CERT1: variants seen among roughly 807,000 people sequenced by gnomAD.
CERT1 encodes the protein ceramide transfer protein.
In CERT1, 31 loss-of-function variants were observed where a neutral mutation model predicts 87.9. The ratio of observed to expected loss-of-function variants is 0.35; its 90% CI spans 0.27 to 0.48. The LOEUF is 0.48. Ranked by LOEUF, CERT1 falls within the 20% of genes least tolerant of loss-of-function variation. The pLI, the probability that CERT1 is intolerant of heterozygous loss-of-function variation, is 0.99. For missense variants in CERT1, 487 were observed against 758.0 expected, an observed-to-expected ratio of 0.64 and a Z score of 4.20; for synonymous variants, 289 against 250.9, an observed-to-expected ratio of 1.15 and a Z score of -1.44.
At position 75,425,410 on chromosome 5, in the gene CERT1, A is replaced by C; in HGVS notation, c.546T>G (p.Phe182Leu). 6.2e-7 allele frequency: 1 copy of C among 1,614,104 alleles called. No homozygotes were observed. Among genetic ancestry groups the C allele is most frequent in the Non-Finnish European group, 8.5e-7 (1 of 1,179,942 alleles). Residue 182 changes from phenylalanine (F) to leucine (L), a missense_variant, in exon 5 of 17, where the codon TTT becomes TTG. By Grantham distance (22) the Phe-to-Leu change is conservative. Transcript: ENST00000643780. ...TAGAGACAGCATCAGCACAGGCATC[A>C]AAGTACTTCTGTAGCGTGTCAACTT... ...CRQVDTLQKYFDACADAVSKD... is the reference protein window; with the variant it reads ...CRQVDTLQKYLDACADAVSKD...
chr5:75,425,354 A>G lies in CERT1; in HGVS notation c.595+7T>C, dbSNP rs1763570497. The G allele has an allele frequency of 2.5e-6, 4 of 1,611,002 alleles. No individual in the cohort carries two copies. Among genetic ancestry groups the G allele is most frequent in the Non-Finnish European group, 3.4e-6 (4 of 1,178,722 alleles). On this transcript the variant is annotated splice_region_variant and intron_variant, in intron 5 of 16. Transcript: ENST00000643780. ...CAAGTAAAAATAGTGGTAATAGCCT[A>G]ATTAACCTTTATCCCTTTGAAGTTC...
chr5:75,385,530 G>C (rs777416161), intron 13 of CERT1, among the ~76,000 whole-genome samples: 8 of 152,134 alleles, frequency 5.3e-5, no homozygotes, highest in Non-Finnish European at 8.8e-5. Context: ...ATTTACCACG[G>C]AAACAGTTTA....
chr5:75,458,713 G>A lies in CERT1; in HGVS notation c.348+352C>T, dbSNP rs567123135. Among the ~76,000 whole-genome samples, 9 of 152,128 alleles carry A rather than the reference G, an allele frequency of 5.9e-5. No homozygotes were observed. The South Asian group carries it at 1.0e-3, about 18-fold the overall frequency. On this transcript the variant is annotated intron_variant, in intron 3 of 16. Transcript: ENST00000643780. Reference sequence around the variant, plus strand: ...ATTACAGGTGCTCACCACTAAGCACGGCTAATTTTTGTATTTTTAGTAGAA... The same window carrying A: ...ATTACAGGTGCTCACCACTAAGCACAGCTAATTTTTGTATTTTTAGTAGAA...
chr5:75,392,742 G>A lies in CERT1; in HGVS notation c.1189-3055C>T, dbSNP rs188131920. 2.1e-3 allele frequency among the ~76,000 whole-genome samples: 314 copies of A among 151,976 alleles called. 1 individual carries two copies. The East Asian group carries it at 0.027, about 13-fold the overall frequency. ...CCCAGCACTTTGGGAGGCTGAGGCG[G>A]GCAGATCACAAGGTCAGGAGTTCGA... On this transcript the variant is annotated intron_variant, in intron 11 of 16. Coordinates refer to ENST00000643780, the MANE Select transcript of CERT1 (RefSeq NM_001379029.1).
chr5:75,454,937 G>T (rs1764916961), intron 3 of CERT1, among the ~76,000 whole-genome samples: 1 of 152,130 alleles, frequency 6.6e-6, no homozygotes, highest in South Asian at 2.1e-4. Flanking sequence ...ACAGCAACTG[G>T]TGACGACCAG....
intron 3 of CERT1, among the ~76,000 whole-genome samples, chr5:75,426,706 T>C (rs1330575026): frequency 6.6e-6 from 1 of 152,212 alleles, no homozygotes; most frequent in East Asian, 1.9e-4. Context: ...TCACAAAGAC[T>C]GTTTAATAAT....
intron 3 of CERT1, among the ~76,000 whole-genome samples, chr5:75,445,381 G>A (rs145386399): frequency 6.6e-6 from 1 of 152,300 alleles, no homozygotes; most frequent in African/African-American, 2.4e-5. Context: ...AGCATTTCTT[G>A]CAGTGCAGGT....
intron 1 of CERT1, among the ~76,000 whole-genome samples, chr5:75,508,477 G>A (rs1334012418): frequency 6.6e-6 from 1 of 152,108 alleles, no homozygotes; most frequent in Admixed American, 6.5e-5. Flanking sequence ...TGAACAAACT[G>A]TATCAGCTTC....
intron 3 of CERT1, among the ~76,000 whole-genome samples, chr5:75,457,928 T>C (rs988428000): frequency 7.0e-6 from 1 of 142,924 alleles, no homozygotes; most frequent in South Asian, 2.3e-4. Flanking sequence ...GTGTGTGTGG[T>C]GTGTGTGTGT....
chr5:75,408,444 T>A lies in CERT1; in HGVS notation c.930+2567A>T, dbSNP rs190898772. Among the ~76,000 whole-genome samples, 24 of 152,246 alleles carry A rather than the reference T, an allele frequency of 1.6e-4. No individual in the cohort carries two copies. The East Asian group carries it at 4.6e-3, about 29-fold the overall frequency. ...CCAGTTACAGAAATAACTCTCTTCC[T>A]CCCCAGTTCATCTGCATCTCGTTAT... On this transcript the variant is annotated intron_variant, in intron 8 of 16. Transcript: ENST00000643780.
intron 3 of CERT1, among the ~76,000 whole-genome samples, chr5:75,457,958 AATGT>A (rs1765065127): frequency 2.4e-5 from 1 of 40,924 alleles, no homozygotes; most frequent in African/African-American, 1.7e-4. Context: ...GCCTGTTAAA[AATGT>A]GTGTGTGTGT....
intron 8 of CERT1, among the ~76,000 whole-genome samples, chr5:75,404,303 A>C (rs866156802): frequency 4.4e-4 from 67 of 151,494 alleles, no homozygotes; most frequent in African/African-American, 1.1e-3. Flanking sequence ...AAAAAAAAAA[A>C]AAAAAAAAAA....
At chr5:75,497,157 ATC>A (rs1767110960) in intron 2 of CERT1, among the ~76,000 whole-genome samples, 1 of 152,140 alleles carries the variant, frequency 6.6e-6, no homozygotes, top group South Asian at 2.1e-4. Flanking sequence ...TTGCATGAGA[ATC>A]TGTTCAAACA....
chr5:75,488,474 A>C (rs1218636324), intron 2 of CERT1, among the ~76,000 whole-genome samples: 1 of 152,192 alleles, frequency 6.6e-6, no homozygotes, highest in East Asian at 1.9e-4. Context: ...GTGTGAATTT[A>C]AAAACTAATA....
chr5:75,489,748 A>G (rs1766688502), intron 2 of CERT1, among the ~76,000 whole-genome samples: 1 of 152,238 alleles, frequency 6.6e-6, no homozygotes, highest in African/African-American at 2.4e-5. Context: ...GATGCTGGAG[A>G]GGATGTGGAG....
intron 2 of CERT1, among the ~76,000 whole-genome samples, chr5:75,496,956 T>A (rs1161995802): frequency 2.0e-5 from 3 of 152,154 alleles, no homozygotes; most frequent in African/African-American, 7.2e-5. Flanking sequence ...CAATGTGATT[T>A]TTTAAAAGGC....
At chr5:75,473,151 G>A (rs1362293871) in intron 2 of CERT1, among the ~76,000 whole-genome samples, 1 of 152,124 alleles carries the variant, frequency 6.6e-6, no homozygotes, top group Non-Finnish European at 1.5e-5. Context: ...CATGATCATA[G>A]CTCACTGCAA....
intron 5 of CERT1, among the ~76,000 whole-genome samples, chr5:75,424,033 T>C (rs184435017): frequency 1.2e-4 from 18 of 152,198 alleles, no homozygotes; most frequent in African/African-American, 4.1e-4. Context: ...GTAATAATGG[T>C]AGAGTAGTTA....
At chr5:75,370,273 T>C (rs988846846) in intron 17 of CERT1, 26 of 152,362 alleles carry the variant, frequency 1.7e-4, no homozygotes, top group African/African-American at 5.8e-4. Context: ...CCTTTCAATA[T>C]GAATCCACTG....
Sources: allele counts gnomAD v4.1 joint callset (sites outside exome capture counted in the v4.1 genomes callset), GRCh38; gene constraint gnomAD v4.1.1; transcripts MANE v1.5; gene names NCBI Gene and HGNC (gene_info 2026-07-23, HGNC 2026-07-21).